Variants in NWD2 observed in about 807,000 individuals in gnomAD.
The protein encoded by NWD2 is NACHT and WD repeat domain-containing protein 2.
In NWD2, 37 loss-of-function variants were observed where a neutral mutation model predicts 132.7. The observed-to-expected ratio is 0.28, with a 90% CI of 0.21 to 0.37. NWD2 has a LOEUF of 0.37. Ranked by LOEUF, NWD2 falls within the 10% of genes least tolerant of loss-of-function variation. NWD2 has a pLI of 1.00. For synonymous variants in NWD2, 705 were observed against 803.0 expected (o/e 0.88, Z 2.06); for missense variants, 1,592 against 2,122.4 (o/e 0.75, Z 4.91).
chr4:37,258,174 A>G (rs1717557786), intron 1 of NWD2, among the ~76,000 whole-genome samples: 1 of 152,258 alleles, frequency 6.6e-6, no homozygotes. Context: ...GAAATACCAC[A>G]CTGGATAAAA....
chr4:37,385,146 C>T (rs779160509), intron 3 of NWD2, among the ~76,000 whole-genome samples: 10 of 152,086 alleles, frequency 6.6e-5, no homozygotes, highest in African/African-American at 9.7e-5. Context: ...AACACATGAC[C>T]GATCCCAGCT....
intron 3 of NWD2, among the ~76,000 whole-genome samples, chr4:37,391,009 T>A (rs112975729): frequency 0.011 from 1,681 of 152,338 alleles, 29 homozygotes; most frequent in African/African-American, 0.038. Context: ...TTAGATTCTG[T>A]GTCTCAACAC....
chr4:37,410,909 G>T (rs1721141600), intron 3 of NWD2, among the ~76,000 whole-genome samples: 1 of 152,080 alleles, frequency 6.6e-6, no homozygotes, highest in Non-Finnish European at 1.5e-5. Context: ...GGTAAATAAT[G>T]AAAGAAGGCA....
chr4:37,248,613 G>T (rs1178242070), intron 1 of NWD2, among the ~76,000 whole-genome samples: 1 of 152,146 alleles, frequency 6.6e-6, no homozygotes, highest in Non-Finnish European at 1.5e-5. Context: ...TAGCTCCTTG[G>T]AAAGATGATT....
intron 3 of NWD2, among the ~76,000 whole-genome samples, chr4:37,381,776 T>C (rs1156889268): frequency 6.6e-6 from 1 of 152,214 alleles, no homozygotes; most frequent in Non-Finnish European, 1.5e-5. Flanking sequence ...GAAAATACTA[T>C]AAACAGTTCT....
chr4:37,262,624 G>A (rs1717664196), intron 1 of NWD2, among the ~76,000 whole-genome samples: 1 of 152,158 alleles, frequency 6.6e-6, no homozygotes, highest in Admixed American at 6.5e-5. Flanking sequence ...ATAGTGAAAT[G>A]TGGAACCTAA....
At chr4:37,324,460 A>C (rs28642950) in intron 1 of NWD2, among the ~76,000 whole-genome samples, 11,050 of 152,060 alleles carry the variant, frequency 0.073, 1,204 homozygotes, top group African/African-American at 0.23. Flanking sequence ...TGAATATTAT[A>C]GGCTTTATTG....
intron 1 of NWD2, among the ~76,000 whole-genome samples, chr4:37,247,576 AAGATAATAGAATGAAAT>A (rs1296318259): frequency 6.6e-6 from 1 of 152,078 alleles, no homozygotes; most frequent in Non-Finnish European, 1.5e-5. Context: ...ATCGGTAACG[AAGATAATAGAATGAAAT>A]AGATAATAGA....
At chr4:37,373,987 T>C (rs893045286) in intron 3 of NWD2, among the ~76,000 whole-genome samples, 1 of 152,166 alleles carries the variant, frequency 6.6e-6, no homozygotes, top group African/African-American at 2.4e-5. Flanking sequence ...TAGACCAATA[T>C]ACAAAGACAG....
intron 1 of NWD2, among the ~76,000 whole-genome samples, chr4:37,264,733 A>C (rs1032118854): frequency 6.6e-6 from 1 of 152,154 alleles, no homozygotes; most frequent in African/African-American, 2.4e-5. Flanking sequence ...TTTTTTATTA[A>C]TGCAGTTATA....
intron 1 of NWD2, among the ~76,000 whole-genome samples, chr4:37,267,168 C>A (rs897704547): frequency 3.8e-4 from 58 of 152,132 alleles, no homozygotes; most frequent in African/African-American, 1.4e-3. Flanking sequence ...TCTTCTATGA[C>A]TGTACGGCTA....
At chr4:37,268,489 G>T (rs1717803998) in intron 1 of NWD2, among the ~76,000 whole-genome samples, 2 of 151,846 alleles carry the variant, frequency 1.3e-5, no homozygotes, top group African/African-American at 4.8e-5. Context: ...GGACTCTGTT[G>T]TATTCATCTA....
Position 37,443,618 on chromosome 4 carries a change from T to C in NWD2, c.1630T>C (p.Ser544Pro). The change falls in exon 7 of 7, where the codon TCC becomes CCC. Residue 544 changes from serine (S) to proline (P), a missense_variant. This residue lies in a region of NWD2 where 1,071 missense variants were observed against 1,398.0 expected (regional missense o/e 0.77). Transcript: ENST00000309447. The surrounding 1 kb of genome is among the most constrained non-coding windows in gnomAD (Gnocchi z 4.1). The part of the protein sequence containing the change: ...HLPRFVRIVL[S>P]TLPNKHGILQ... The stretch of plus-strand genomic sequence containing the variant: ...GCCCCGCTTTGTCCGGATAGTCCTT[T>C]CCACGCTGCCCAACAAACATGGGAT... The C allele has an allele frequency of 6.4e-7, 1 of 1,551,950 alleles. No individual in the cohort carries two copies. The highest frequency in any genetic ancestry group is 8.7e-7 in the Non-Finnish European group (1 of 1,147,040).
chr4:37,404,596 C>A (rs1280684759), intron 3 of NWD2, among the ~76,000 whole-genome samples: 1 of 152,284 alleles, frequency 6.6e-6, no homozygotes, highest in East Asian at 1.9e-4. Flanking sequence ...TCTGATCCAG[C>A]CTATAACCTC....
rs76980534 is a variant in NWD2 at position 37,397,558 on chromosome 4, C to A, written c.358-33014C>A. On this transcript the variant is annotated intron_variant, in intron 3 of 6. Transcript: ENST00000309447. ...CCAGCTCTCACCTTGGTTCTCCAGC[C>A]GCCAGCCTGCCCTGCAGAGTCGGAC... is the stretch of plus-strand genomic sequence containing the variant. Among the ~76,000 whole-genome samples, 6 of 152,092 alleles carry A rather than the reference C, an allele frequency of 3.9e-5. No homozygotes were observed. The South Asian group carries it at 1.2e-3, about 32-fold the overall frequency.
At chr4:37,333,991 T>G (rs936422557) in intron 2 of NWD2, among the ~76,000 whole-genome samples, 1 of 151,980 alleles carries the variant, frequency 6.6e-6, no homozygotes, top group Admixed American at 6.6e-5. Flanking sequence ...ATTAGTGAAC[T>G]TGAAGACAGG....
chr4:37,280,937 A>G (rs780437100), intron 1 of NWD2, among the ~76,000 whole-genome samples: 2 of 152,162 alleles, frequency 1.3e-5, no homozygotes, highest in Non-Finnish European at 2.9e-5. Flanking sequence ...TGTGGCTCAC[A>G]GGGTGCATAC....
intron 1 of NWD2, among the ~76,000 whole-genome samples, chr4:37,275,808 A>G (rs1717999398): frequency 6.6e-6 from 1 of 152,180 alleles, no homozygotes; most frequent in African/African-American, 2.4e-5. Flanking sequence ...ATCTACAACT[A>G]TCTGATCTTT....
In NWD2 at chr4:37,395,584, CAAAAAAAAAAA is replaced by C. The variant is rs1156884728; in HGVS notation, c.358-34973_358-34963del. ...GGGCAACAAGAGCGAAACTCTGTCT[CAAAAAAAAAAA>C]AAAAAAAAAAAAAAGAGTCTGCCTC... On this transcript the variant is annotated intron_variant, in intron 3 of 6. Transcript: ENST00000309447. Among the ~76,000 whole-genome samples the C allele has an allele frequency of 3.0e-3, 54 of 18,286 alleles. 2 individuals carry two copies. In the South Asian group the frequency reaches 0.055, roughly 19 times the overall value. 12.0% of individuals were successfully genotyped at this position (18,286 alleles called of 152,430 possible).
Sources: gnomAD v4.1 joint callset for allele counts (sites outside exome capture counted in the v4.1 genomes callset) on GRCh38, gnomAD v4.1.1 for gene constraint, gnomAD v4.1.1 regional missense constraint, Gnocchi (gnomAD v3.1) non-coding constraint, MANE v1.5 for transcripts, NCBI Gene and HGNC (gene_info 2026-07-23, HGNC 2026-07-21) for gene names.